DOCK1: variants seen among roughly 807,000 people sequenced by gnomAD.
The protein encoded by DOCK1 is dedicator of cytokinesis protein 1.
A neutral mutation model predicts 262.7 loss-of-function variants in DOCK1; 138 were observed. That is an observed-to-expected ratio of 0.53 (90% confidence interval 0.46 to 0.61). DOCK1 has a LOEUF of 0.61. Ranked by LOEUF, DOCK1 falls within the 20% of genes least tolerant of loss-of-function variation. The pLI is 0.00. For missense variants in DOCK1, 1,908 were observed against 2,370.7 expected (o/e 0.80, Z 4.05); for synonymous variants, 866 against 867.4 (o/e 1.00, Z 0.03).
At chr10:126,986,555 A>G (rs531780267) in intron 4 of DOCK1, among the ~76,000 whole-genome samples, 1 of 152,366 alleles carries the variant, frequency 6.6e-6, no homozygotes, top group South Asian at 2.1e-4. Context: ...CCCAGAGCAC[A>G]TGCCCAGGAA....
intron 1 of DOCK1, among the ~76,000 whole-genome samples, chr10:126,946,505 C>G (rs1285732462): frequency 6.6e-6 from 1 of 152,144 alleles, no homozygotes; most frequent in African/African-American, 2.4e-5. Context: ...GAGATCGCAG[C>G]ACTACACTCC....
Position 127,354,545 on chromosome 10 carries a change from G to A in DOCK1, c.3225-124G>A, listed in dbSNP as rs2064042707. ...CATTTTGGTGGCAAGAGAAGTTGAAGCTTTGACACTCTCTTTATTTGCCTC... is the reference window on the plus strand; with the variant it reads ...CATTTTGGTGGCAAGAGAAGTTGAAACTTTGACACTCTCTTTATTTGCCTC... On this transcript the variant is annotated intron_variant, in intron 31 of 51. Transcript: ENST00000623213. 3 of 1,084,758 alleles carry A rather than the reference G, an allele frequency of 2.8e-6. No homozygotes were observed. The Admixed American group carries it at 7.1e-5, about 26-fold the overall frequency. 67.2% of individuals were successfully genotyped at this position (1,084,758 alleles called of 1,614,324 possible).
chr10:126,958,385 T>A (rs2134496080), intron 1 of DOCK1, among the ~76,000 whole-genome samples: 1 of 152,226 alleles, frequency 6.6e-6, no homozygotes, highest in Admixed American at 6.5e-5. Flanking sequence ...CTCACAGGGT[T>A]TGTTGGGGCT....
At chr10:127,279,968 A>T (rs112300486) in intron 29 of DOCK1, among the ~76,000 whole-genome samples, 8,565 of 147,374 alleles carry the variant, frequency 0.058, 326 homozygotes, top group Non-Finnish European at 0.086. Flanking sequence ...AGAATGCATT[A>T]ATTTTTTTAA....
intron 1 of DOCK1, among the ~76,000 whole-genome samples, chr10:126,909,663 A>G (rs1564976091): frequency 6.6e-6 from 1 of 152,070 alleles, no homozygotes; most frequent in East Asian, 1.9e-4. Context: ...AATTACTCAT[A>G]CTTTCTTAGC....
At chr10:127,194,897 G>A (rs1331424380) in intron 27 of DOCK1, among the ~76,000 whole-genome samples, 2 of 75,414 alleles carry the variant, frequency 2.7e-5, no homozygotes, top group East Asian at 8.9e-4. Context: ...CAAGGTCAAA[G>A]TAAACCGCTT....
intron 29 of DOCK1, among the ~76,000 whole-genome samples, chr10:127,300,464 T>C (rs1307958707): frequency 6.6e-6 from 1 of 152,150 alleles, no homozygotes; most frequent in African/African-American, 2.4e-5. Flanking sequence ...GCTGCCCCTT[T>C]CCAGGACCTG....
intron 38 of DOCK1, among the ~76,000 whole-genome samples, chr10:127,387,100 C>T (rs2066169402): frequency 2.0e-5 from 3 of 152,214 alleles, no homozygotes; most frequent in Admixed American, 6.5e-5. Flanking sequence ...CCAGAGGTCA[C>T]GGGACTGAAG....
chr10:127,140,793 AG>A (rs2051165461), intron 27 of DOCK1, among the ~76,000 whole-genome samples: 1 of 152,202 alleles, frequency 6.6e-6, no homozygotes, highest in Non-Finnish European at 1.5e-5. Context: ...ATGGATCAAA[AG>A]GCAGCAACAC....
chr10:127,358,179 T>G (rs2064236661), intron 32 of DOCK1, among the ~76,000 whole-genome samples: 1 of 152,140 alleles, frequency 6.6e-6, no homozygotes, highest in Admixed American at 6.5e-5. Flanking sequence ...AGTCTCCTCC[T>G]TCAGTCTTTC....
At chr10:127,069,625 T>TGC (rs1378855853) in intron 23 of DOCK1, among the ~76,000 whole-genome samples, 1 of 152,144 alleles carries the variant, frequency 6.6e-6, no homozygotes, top group Non-Finnish European at 1.5e-5. Flanking sequence ...GGGACACAGA[T>TGC]GCGGTGGTTT....
At chr10:127,303,697 A>G (rs1233302809) in intron 29 of DOCK1, among the ~76,000 whole-genome samples, 1 of 146,458 alleles carries the variant, frequency 6.8e-6, no homozygotes, top group African/African-American at 2.6e-5. Context: ...TATCTCTACA[A>G]AAAATTTTTA....
intron 31 of DOCK1, among the ~76,000 whole-genome samples, chr10:127,344,865 C>T (rs1448160361): frequency 2.6e-5 from 4 of 151,878 alleles, no homozygotes; most frequent in Admixed American, 2.6e-4. Flanking sequence ...GGCAAGACCC[C>T]CTTTCAAAAA....
intron 38 of DOCK1, among the ~76,000 whole-genome samples, 159 bp from the exon 39 acceptor site, chr10:127,402,896 A>G (rs1196889025): frequency 6.6e-6 from 1 of 152,256 alleles, no homozygotes; most frequent in African/African-American, 2.4e-5. Context: ...AAAAGACATG[A>G]GACTCAAGAA....
intron 44 of DOCK1, among the ~76,000 whole-genome samples, chr10:127,417,717 A>C (rs533014465): frequency 4.5e-4 from 69 of 152,302 alleles, no homozygotes; most frequent in Admixed American, 7.8e-4. Context: ...CTGGGATTAC[A>C]GGCATGCACC....
intron 26 of DOCK1, 109 bp from the exon 27 acceptor site, chr10:127,127,560 G>T (rs186153240): frequency 5.1e-6 from 4 of 791,558 alleles, no homozygotes; most frequent in East Asian, 5.4e-5. Context: ...CTCATTAAGG[G>T]TTATAATTGA....
intron 22 of DOCK1, among the ~76,000 whole-genome samples, chr10:127,055,063 A>T (rs1176994501): frequency 2.0e-5 from 3 of 150,574 alleles, no homozygotes; most frequent in East Asian, 1.9e-4. Flanking sequence ...ATGGTCCATA[A>T]TTTTTTTTTT....
chr10:127,322,895 A>C (rs1019713468), intron 29 of DOCK1, among the ~76,000 whole-genome samples: 4 of 152,248 alleles, frequency 2.6e-5, no homozygotes, highest in African/African-American at 9.6e-5. Context: ...GTGCACTGTT[A>C]AGAATGGGCA....
intron 19 of DOCK1, among the ~76,000 whole-genome samples, chr10:127,040,603 A>C (rs548314303): frequency 6.6e-6 from 1 of 152,260 alleles, no homozygotes; most frequent in South Asian, 2.1e-4. Flanking sequence ...TCTTGGGGCT[A>C]TAGCAGTTTG....
Sources: allele counts gnomAD v4.1 joint callset (sites outside exome capture counted in the v4.1 genomes callset), GRCh38; gene constraint gnomAD v4.1.1; transcripts MANE v1.5; gene names NCBI Gene and HGNC (gene_info 2026-07-23, HGNC 2026-07-21).